C21orf91: variants seen among roughly 807,000 people sequenced by gnomAD.
The protein encoded by C21orf91 is protein EURL homolog.
A neutral mutation model predicts 32.9 loss-of-function variants in C21orf91; 26 were observed. The observed-to-expected ratio is 0.79, with a 90% CI of 0.58 to 1.10. The LOEUF (loss-of-function observed/expected upper bound fraction) is 1.10, where lower values mean the gene tolerates loss of function less well. Ranked by LOEUF, C21orf91 falls within the 50% of genes least tolerant of loss-of-function variation. The pLI is 0.00. For missense variants in C21orf91, 310 were observed against 341.3 expected, an observed-to-expected ratio of 0.91 and a Z score of 0.72; for synonymous variants, 126 against 120.4, an observed-to-expected ratio of 1.05 and a Z score of -0.31.
In C21orf91 at chr21:17,793,026, CATA is replaced by C. The variant is rs1351845160; in HGVS notation, c.*386_*388del. The C allele has an allele frequency of 1.3e-5, 2 of 152,864 alleles. No homozygotes were observed. The highest frequency in any genetic ancestry group is 4.8e-5 in the African/African-American group (2 of 41,390). The allele number at this position is 152,864 out of a possible 1,614,324, so 9.5% of individuals were successfully genotyped here. A position where few individuals can be genotyped will look rare whatever the true frequency, so the allele number is the denominator to read the frequency against. On this transcript the variant is annotated 3_prime_UTR_variant, in exon 5 of 5. Coordinates refer to ENST00000284881, the MANE Select transcript of C21orf91 (RefSeq NM_001100420.2). ...AAAATTTTTATATTAAAATATTGCT[CATA>C]ATAAATAAGAGGTGATATGAATTCC...
At chr21:17,800,704 T>C (rs1458398836) in intron 2 of C21orf91, among the ~76,000 whole-genome samples, 3 of 152,202 alleles carry the variant, frequency 2.0e-5, no homozygotes, top group Admixed American at 2.0e-4. Flanking sequence ...CAACCAAGAT[T>C]GTACTACAAC....
At chr21:17,794,541 C>T (rs2062503566) in intron 4 of C21orf91, among the ~76,000 whole-genome samples, 1 of 152,184 alleles carries the variant, frequency 6.6e-6, no homozygotes, top group South Asian at 2.1e-4. Flanking sequence ...AGTAGAGATA[C>T]TGATTATTAT....
intron 2 of C21orf91, among the ~76,000 whole-genome samples, chr21:17,812,299 G>T (rs2062637562): frequency 6.6e-6 from 1 of 152,080 alleles, no homozygotes. Context: ...GATATTAAAA[G>T]GAAGTTAAGA....
At chr21:17,818,564 C>G (rs1024993083) in intron 1 of C21orf91, among the ~76,000 whole-genome samples, 3 of 152,112 alleles carry the variant, frequency 2.0e-5, no homozygotes, top group African/African-American at 7.2e-5. Context: ...TCTTTTTTGT[C>G]CTATAGTTGA....
chr21:17,809,383 T>C (rs2062618189), intron 2 of C21orf91, among the ~76,000 whole-genome samples: 1 of 152,220 alleles, frequency 6.6e-6, no homozygotes, highest in African/African-American at 2.4e-5. Context: ...GATAGCAGTA[T>C]AGAAGTATGA....
chr21:17,794,713 G>A (rs2062505101), intron 4 of C21orf91, among the ~76,000 whole-genome samples: 1 of 152,188 alleles, frequency 6.6e-6, no homozygotes, highest in African/African-American at 2.4e-5. Context: ...AGTGCCTGGT[G>A]CAATAGTGGG....
chr21:17,791,871 A>G lies in C21orf91; in HGVS notation c.*1544T>C, dbSNP rs1241067677. ...CTTCAAAGAAAAACAAAATCAACAG[A>G]TATCAATTAATACCCTCAGGCCAAT... is the stretch of plus-strand genomic sequence containing the variant. On this transcript the variant is annotated 3_prime_UTR_variant, in exon 5 of 5. Transcript: ENST00000284881. The G allele has an allele frequency of 6.6e-6, 1 of 152,174 alleles. No individual in the cohort carries two copies. The highest frequency in any genetic ancestry group is 1.5e-5 in the Non-Finnish European group (1 of 67,996). 9.4% of individuals were successfully genotyped at this position (152,174 alleles called of 1,614,324 possible).
At chr21:17,808,784 G>A (rs556949665) in intron 2 of C21orf91, among the ~76,000 whole-genome samples, 1 of 152,310 alleles carries the variant, frequency 6.6e-6, no homozygotes, top group African/African-American at 2.4e-5. Context: ...AATGTGAGGA[G>A]GACATGAGAT....
At chr21:17,799,513 C>T (rs974242863) in intron 2 of C21orf91, among the ~76,000 whole-genome samples, 38 of 152,044 alleles carry the variant, frequency 2.5e-4, no homozygotes, top group African/African-American at 8.2e-4. Context: ...GTTTTGCTGA[C>T]CGTCTTAACA....
At chr21:17,813,488 CCTT>C (rs1315567961) in intron 2 of C21orf91, among the ~76,000 whole-genome samples, 1 of 152,168 alleles carries the variant, frequency 6.6e-6, no homozygotes, top group Non-Finnish European at 1.5e-5. Flanking sequence ...CTTTGGGTCT[CCTT>C]CTAGAATGGT....
At chr21:17,800,122 T>A (rs1274739892) in intron 2 of C21orf91, among the ~76,000 whole-genome samples, 1 of 149,702 alleles carries the variant, frequency 6.7e-6, no homozygotes, top group African/African-American at 2.5e-5. Flanking sequence ...TATATATTTT[T>A]AAATAGAAAT....
intron 4 of C21orf91, among the ~76,000 whole-genome samples, chr21:17,793,784 G>A (rs912899753): frequency 9.9e-5 from 15 of 152,112 alleles, no homozygotes; most frequent in Non-Finnish European, 2.1e-4. Flanking sequence ...ATAGCCAAAT[G>A]GAATTTGGCT....
chr21:17,795,400 G>A, intron 3 of C21orf91, 130 bp from the exon 4 acceptor site: 1 of 665,940 alleles, frequency 1.5e-6, no homozygotes, highest in Non-Finnish European at 2.7e-6. Context: ...CAGTACTCCA[G>A]TATTCAACCA....
intron 2 of C21orf91, among the ~76,000 whole-genome samples, chr21:17,816,785 C>T (rs2062667304): frequency 6.6e-6 from 1 of 152,202 alleles, no homozygotes; most frequent in South Asian, 2.1e-4. Context: ...GGCAGTCCAA[C>T]TTTTTGGCTG....
At chr21:17,796,195 C>T (rs74467494) in intron 3 of C21orf91, among the ~76,000 whole-genome samples, 200 of 152,296 alleles carry the variant, frequency 1.3e-3, no homozygotes, top group African/African-American at 4.7e-3. Context: ...TAAAATGTCA[C>T]ATTTTTGCTT....
chr21:17,804,832 C>A (rs2146255572), intron 2 of C21orf91, among the ~76,000 whole-genome samples: 1 of 152,350 alleles, frequency 6.6e-6, no homozygotes, highest in East Asian at 1.9e-4. Context: ...GAGGCCAGAG[C>A]AGAACTGAGA....
rs781198430 is a variant in C21orf91 at position 17,792,590 on chromosome 21, G to A, written c.*825C>T. On this transcript the variant is annotated 3_prime_UTR_variant, in exon 5 of 5. Coordinates refer to ENST00000284881, the MANE Select transcript of C21orf91 (RefSeq NM_001100420.2). Reference sequence around the variant, plus strand: ...TCTGTCCAAATTCTAATGCATCACAGTCACTGGTGTGAAGCTAATAATGAA... The same window carrying A: ...TCTGTCCAAATTCTAATGCATCACAATCACTGGTGTGAAGCTAATAATGAA... 1.1e-4 allele frequency: 16 copies of A among 152,220 alleles called. No individual in the cohort carries two copies. The East Asian group carries it at 3.1e-3, about 29-fold the overall frequency. The allele number at this position is 152,220 out of a possible 1,614,324, so 9.4% of individuals were successfully genotyped here.
rs762497864 is a variant in C21orf91 at position 17,796,927 on chromosome 21, C to A, written c.319G>T (p.Asp107Tyr). Residue 107 changes from aspartate (D) to tyrosine (Y), a missense_variant, in exon 3 of 5, where the codon GAT becomes TAT. Physicochemically the swap from Asp to Tyr is radical, Grantham distance 160. Transcript: ENST00000284881. ...IVQYAQNKDLDSDSECSKNPQ... is the reference protein window; with the variant it reads ...IVQYAQNKDLYSDSECSKNPQ... ...TTTTTAGAACATTCAGAATCTGAAT[C>A]CAGATCCTTATTTTGTGCATACTGC... The A allele has an allele frequency of 1.2e-6, 2 of 1,612,592 alleles. No homozygotes were observed. Among genetic ancestry groups the A allele is most frequent in the African/African-American group, 2.7e-5 (2 of 74,966 alleles).
intron 2 of C21orf91, among the ~76,000 whole-genome samples, chr21:17,805,775 C>T (rs760766065): frequency 1.3e-5 from 2 of 152,048 alleles, no homozygotes; most frequent in Non-Finnish European, 2.9e-5. Flanking sequence ...CCCAAGTAAC[C>T]CTCTACTTGT....
Sources: gnomAD v4.1 joint callset for allele counts (sites outside exome capture counted in the v4.1 genomes callset) on GRCh38, gnomAD v4.1.1 for gene constraint, MANE v1.5 for transcripts, NCBI Gene and HGNC (gene_info 2026-07-23, HGNC 2026-07-21) for gene names.